SORBS2: variants seen among roughly 807,000 people sequenced by gnomAD.
SORBS2 encodes the protein sorbin and SH3 domain containing 2.
SORBS2 carries 46 observed loss-of-function variants against 97.7 expected under a neutral mutation model. The ratio of observed to expected loss-of-function variants is 0.47; its 90% CI spans 0.37 to 0.60. The LOEUF is 0.60. Among genes scored for constraint, SORBS2 ranks in the 20% least tolerant of loss-of-function variants. The pLI is 0.00. For missense variants in SORBS2, 1,316 were observed against 1,282.3 expected (o/e 1.03, Z -0.40); for synonymous variants, 476 against 473.4 (o/e 1.01, Z -0.07).
intron 4 of SORBS2, among the ~76,000 whole-genome samples, chr4:185,675,878 C>T (rs2097783116): frequency 6.6e-6 from 1 of 152,114 alleles, no homozygotes; most frequent in Non-Finnish European, 1.5e-5. Flanking sequence ...CCAGCTTGTC[C>T]TTTAATCATT....
At chr4:185,844,876 C>T (rs1398010008) in intron 1 of SORBS2, among the ~76,000 whole-genome samples, 1 of 152,148 alleles carries the variant, frequency 6.6e-6, no homozygotes, top group South Asian at 2.1e-4. Flanking sequence ...TAACACGATT[C>T]CATTCCATTT....
At chr4:185,727,734 C>T (rs1013834961) in intron 2 of SORBS2, among the ~76,000 whole-genome samples, 16 of 152,106 alleles carry the variant, frequency 1.1e-4, no homozygotes, top group African/African-American at 3.6e-4. Flanking sequence ...TATTTTGATA[C>T]GACCAGGTTT....
At chr4:185,934,680 A>G (rs2099268093) in intron 1 of SORBS2, among the ~76,000 whole-genome samples, 1 of 151,268 alleles carries the variant, frequency 6.6e-6, no homozygotes, top group African/African-American at 2.4e-5. Context: ...GCTACGTGGG[A>G]GGTTGAGGCA....
intron 1 of SORBS2, among the ~76,000 whole-genome samples, chr4:185,911,176 A>G (rs1176294253): frequency 2.0e-5 from 3 of 152,150 alleles, no homozygotes; most frequent in Non-Finnish European, 2.9e-5. Flanking sequence ...TTATAACATA[A>G]ACTTATCTCA....
At chr4:185,678,809 C>A in exon 3 of SORBS2, 1 of 1,462,232 alleles carries the variant, frequency 6.8e-7, no homozygotes, top group Non-Finnish European at 9.1e-7. Flanking sequence ...AGTCTGGTGA[C>A]TGAGAATCAC....
intron 2 of SORBS2, among the ~76,000 whole-genome samples, chr4:185,686,357 T>C (rs529480172): frequency 9.5e-4 from 145 of 152,282 alleles, no homozygotes; most frequent in Admixed American, 1.2e-3. Flanking sequence ...TACTTCACTT[T>C]TTTAAAGTAT....
At chr4:185,720,417 G>A (rs2098503346) in intron 2 of SORBS2, among the ~76,000 whole-genome samples, 1 of 152,280 alleles carries the variant, frequency 6.6e-6, no homozygotes, top group African/African-American at 2.4e-5. Context: ...ACTGTCTTGG[G>A]TTGAGTGACA....
chr4:185,664,044 C>T (rs1032629464), intron 4 of SORBS2, among the ~76,000 whole-genome samples: 17 of 150,930 alleles, frequency 1.1e-4, no homozygotes, highest in Middle Eastern at 3.2e-3. Flanking sequence ...TTAGTAGAGA[C>T]GGGGTTTCAC....
Position 185,623,884 on chromosome 4 carries a change from G to A in SORBS2, c.1245C>T (p.Ser415=), listed in dbSNP as rs748242547. ...ACTTCTGGATCAGCTTTTCGAATTC[G>A]GAGATGCGTGTGGGCACCATGTCCC... is the stretch of plus-strand genomic sequence containing the variant. The change falls in exon 7 of 15, where the codon TCC becomes TCT. Residue 415 remains serine (S), a synonymous_variant. Coordinates refer to ENST00000418609, the Ensembl canonical transcript of SORBS2. The surrounding 1 kb of genome is among the most constrained non-coding windows in gnomAD (Gnocchi z 6.4). 7.4e-6 allele frequency: 12 copies of A among 1,613,994 alleles called. No homozygotes were observed. The highest frequency in any genetic ancestry group is 2.2e-5 in the East Asian group (1 of 44,876).
intron 2 of SORBS2, among the ~76,000 whole-genome samples, chr4:185,759,081 C>G (rs921137787): frequency 4.6e-5 from 7 of 152,164 alleles, no homozygotes; most frequent in East Asian, 1.9e-4. Context: ...TCAGAACAGT[C>G]CTTTGCCTTT....
At chr4:185,948,650 T>C (rs1014461624) in intron 1 of SORBS2, among the ~76,000 whole-genome samples, 2 of 151,030 alleles carry the variant, frequency 1.3e-5, no homozygotes, top group African/African-American at 4.9e-5. Flanking sequence ...CCCAAGTAGC[T>C]GGGATTACAG....
At chr4:185,755,480 TG>T (rs1214407175) in intron 2 of SORBS2, among the ~76,000 whole-genome samples, 1 of 152,228 alleles carries the variant, frequency 6.6e-6, no homozygotes, top group East Asian at 1.9e-4. Context: ...AAATGTGAGA[TG>T]TTTGGCATGG....
At chr4:185,622,884 A>G (rs763940899) in intron 7 of SORBS2, 30 bp downstream of exon 19, 2 of 1,553,646 alleles carry the variant, frequency 1.3e-6, no homozygotes, top group Non-Finnish European at 1.7e-6. Context: ...TCTCTGAACC[A>G]CAAGGAAAAA....
chr4:185,846,175 C>A (rs6552927), intron 1 of SORBS2, among the ~76,000 whole-genome samples: 144,656 of 152,296 alleles, frequency 0.95, 69,098 homozygotes, highest in East Asian at 1. Flanking sequence ...AGAGTGGATA[C>A]AGAAACGATG....
rs555797342 is a variant in SORBS2 at position 185,808,897 on chromosome 4, A to G, written c.-337-33531T>C. On this transcript the variant is annotated intron_variant, in intron 1 of 20. Transcript: ENST00000284776. Reference sequence around the variant, plus strand: ...AGGGATATTTTCTATACATTTTATAATAGCCATGGATAGAAAAATAGTATT... The same window carrying G: ...AGGGATATTTTCTATACATTTTATAGTAGCCATGGATAGAAAAATAGTATT... 4.6e-5 allele frequency among the ~76,000 whole-genome samples: 7 copies of G among 152,314 alleles called. No homozygotes were observed. In the South Asian group the frequency reaches 1.5e-3, roughly 32 times the overall value.
chr4:185,687,130 T>C (rs1274116808), intron 2 of SORBS2, among the ~76,000 whole-genome samples: 1 of 152,124 alleles, frequency 6.6e-6, no homozygotes, highest in Non-Finnish European at 1.5e-5. Context: ...GGGCTCAAAC[T>C]GATCCTCCTA....
chr4:185,800,499 C>G (rs2099125100), intron 1 of SORBS2, among the ~76,000 whole-genome samples: 2 of 152,186 alleles, frequency 1.3e-5, no homozygotes, highest in South Asian at 4.1e-4. Flanking sequence ...TCACAGTCTC[C>G]CCTCTGTGAG....
intron 1 of SORBS2, among the ~76,000 whole-genome samples, chr4:185,889,604 T>C (rs895125073): frequency 6.6e-6 from 1 of 152,178 alleles, no homozygotes; most frequent in Non-Finnish European, 1.5e-5. Context: ...ATCTCCAATT[T>C]ATCTTTTCAT....
intron 1 of SORBS2, among the ~76,000 whole-genome samples, chr4:185,834,640 T>A (rs1382500368): frequency 1.3e-5 from 2 of 152,112 alleles, no homozygotes; most frequent in Non-Finnish European, 2.9e-5. Context: ...AAATAGTGAA[T>A]GTAAATATTT....
Sources: allele counts gnomAD v4.1 joint callset (sites outside exome capture counted in the v4.1 genomes callset), GRCh38; gene constraint gnomAD v4.1.1; non-coding constraint Gnocchi (gnomAD v3.1); transcripts MANE v1.5; gene names NCBI Gene and HGNC (gene_info 2026-07-23, HGNC 2026-07-21).